The following SORCS2 variants were observed in gnomAD, a reference collection of about 807,000 sequenced individuals.
The protein encoded by SORCS2 is sortilin related VPS10 domain containing receptor 2, also known as VPS10 domain-containing receptor SorCS2.
SORCS2 carries 100 observed loss-of-function variants against 141.6 expected under a neutral mutation model. The ratio of observed to expected loss-of-function variants is 0.71; its 90% confidence interval spans 0.60 to 0.83. The LOEUF is 0.83. Among genes scored for constraint, SORCS2 ranks in the 40% least tolerant of loss-of-function variants. The pLI, the probability that SORCS2 is intolerant of heterozygous loss-of-function variation, is 0.00. For missense variants in SORCS2, 1,646 were observed against 1,560.2 expected, an observed-to-expected ratio of 1.05 and a Z score of -0.93; for synonymous variants, 789 against 676.9, an observed-to-expected ratio of 1.17 and a Z score of -2.57.
Position 7,689,536 on chromosome 4 carries a change from A to G in SORCS2, c.1539A>G (p.Val513=). ...LHLRWADNPY[V]SGTVHTKDTA... ...TGCGCTGGGCAGACAACCCCTACGTATCAGGCACCGTGCACACCAAGGACA... is the reference window on the plus strand; with the variant it reads ...TGCGCTGGGCAGACAACCCCTACGTGTCAGGCACCGTGCACACCAAGGACA... Residue 513 remains valine, a synonymous_variant, in exon 11 of 27, where the codon GTA becomes GTG. Transcript: ENST00000507866. The G allele has an allele frequency of 6.2e-7, 1 of 1,607,350 alleles. No homozygotes were observed. Among genetic ancestry groups the G allele is most frequent in the Non-Finnish European group, 8.5e-7 (1 of 1,177,540 alleles).
At chr4:7,209,144 G>A (rs975339385) in intron 1 of SORCS2, among the ~76,000 whole-genome samples, 1 of 152,228 alleles carries the variant, frequency 6.6e-6, no homozygotes, top group African/African-American at 2.4e-5. Context: ...TGTTGTAGAT[G>A]GGAGCACATC....
chr4:7,641,229 G>T (rs962464285), intron 4 of SORCS2, among the ~76,000 whole-genome samples: 1 of 152,204 alleles, frequency 6.6e-6, no homozygotes, highest in Non-Finnish European at 1.5e-5. Context: ...AATTTATGAA[G>T]AAAGAGGTTT....
chr4:7,592,222 A>G (rs1716967795), intron 3 of SORCS2, among the ~76,000 whole-genome samples: 1 of 151,636 alleles, frequency 6.6e-6, no homozygotes. Context: ...CCAACTACCC[A>G]CTTTCATCCA....
chr4:7,496,845 G>T (rs1008759194), intron 2 of SORCS2, among the ~76,000 whole-genome samples: 1 of 152,134 alleles, frequency 6.6e-6, no homozygotes, highest in Non-Finnish European at 1.5e-5. Context: ...AAGGCACAGG[G>T]CTCCGGGCAC....
At chr4:7,576,867 C>T (rs187104067) in intron 3 of SORCS2, among the ~76,000 whole-genome samples, 20 of 152,278 alleles carry the variant, frequency 1.3e-4, no homozygotes, top group African/African-American at 4.3e-4. Context: ...CCCCACCCAG[C>T]GGACCACAGC....
intron 2 of SORCS2, among the ~76,000 whole-genome samples, chr4:7,422,849 A>G (rs1251386179): frequency 2.0e-5 from 3 of 152,158 alleles, no homozygotes; most frequent in East Asian, 1.9e-4. Context: ...CTGCCTGCTA[A>G]TAACTGACCC....
chr4:7,372,991 A>G (rs559136792), intron 1 of SORCS2, among the ~76,000 whole-genome samples: 24 of 140,284 alleles, frequency 1.7e-4, no homozygotes, highest in African/African-American at 6.1e-4. Context: ...GCTGCAGGAC[A>G]TCTTGGTGGT....
Position 7,651,236 on chromosome 4 carries a change from C to A in SORCS2, c.814-2898C>A, listed in dbSNP as rs62290671. ...GCAAACGCGTGTTGTGGATAGGCTG[C>A]GTGTCAGACACGGGCTAGACTTCCA... On this transcript the variant is annotated intron_variant, in intron 4 of 26. Coordinates refer to ENST00000507866, the MANE Select transcript of SORCS2 (RefSeq NM_020777.3). Among the ~76,000 whole-genome samples the A allele has an allele frequency of 2.4e-3, 360 of 152,232 alleles. 1 individual carries two copies. The highest frequency in any genetic ancestry group is 8.3e-3 in the African/African-American group (345 of 41,522).
chr4:7,695,794 T>G (rs13148084), intron 11 of SORCS2, among the ~76,000 whole-genome samples: 3 of 1,744 alleles, frequency 1.7e-3, no homozygotes, highest in Non-Finnish European at 3.5e-3. Flanking sequence ...ATGGATGGAT[T>G]GGTGGGTGGG....
intron 1 of SORCS2, among the ~76,000 whole-genome samples, chr4:7,222,235 C>T (rs180750470): frequency 6.6e-6 from 1 of 152,294 alleles, no homozygotes; most frequent in Admixed American, 6.5e-5. Flanking sequence ...GGTGAGACAA[C>T]CCAAATGTCC....
intron 25 of SORCS2, among the ~76,000 whole-genome samples, chr4:7,736,553 C>T (rs1177815195): frequency 9.9e-5 from 15 of 152,132 alleles, no homozygotes. Flanking sequence ...GGTCCTGAGC[C>T]GGGTCCCAGT....
intron 1 of SORCS2, among the ~76,000 whole-genome samples, chr4:7,338,953 A>G (rs1223347188): frequency 1.3e-5 from 2 of 152,322 alleles, no homozygotes; most frequent in South Asian, 2.1e-4. Flanking sequence ...TGGTCTTTAC[A>G]GTAAACCCCA....
intron 2 of SORCS2, among the ~76,000 whole-genome samples, chr4:7,402,745 G>T (rs779814863): frequency 8.5e-5 from 13 of 152,150 alleles, no homozygotes; most frequent in Non-Finnish European, 1.8e-4. Context: ...GACTTTCCAT[G>T]TTTGCACTCA....
At chr4:7,242,082 C>T (rs140006115) in intron 1 of SORCS2, among the ~76,000 whole-genome samples, 1 of 152,300 alleles carries the variant, frequency 6.6e-6, no homozygotes, top group East Asian at 1.9e-4. Context: ...GACCCTCAGA[C>T]CCACCCTGGC....
intron 1 of SORCS2, among the ~76,000 whole-genome samples, chr4:7,244,630 G>C (rs1712954989): frequency 6.6e-6 from 1 of 152,178 alleles, no homozygotes; most frequent in African/African-American, 2.4e-5. Context: ...GGGCCCCCTG[G>C]AATCCCCCTG....
intron 3 of SORCS2, among the ~76,000 whole-genome samples, chr4:7,552,744 C>T (rs1008094603): frequency 8.5e-5 from 13 of 152,114 alleles, no homozygotes; most frequent in Non-Finnish European, 1.5e-4. Flanking sequence ...TTTTCCTCCC[C>T]ACCTTCCTGC....
At position 7,695,936 on chromosome 4, in the gene SORCS2, GTGGGTGGA is replaced by G. The variant is rs1256336819; in HGVS notation, c.1592-1258_1592-1251del. ...GATGGATGGATGGATTGGTGGGTGG[GTGGGTGGA>G]TGGATGGATGGATGGATGGATGGAT... On this transcript the variant is annotated intron_variant, in intron 11 of 26. Transcript: ENST00000507866. Among the ~76,000 whole-genome samples the G allele has an allele frequency of 1.3e-4, 10 of 76,256 alleles. 1 individual carries two copies. Among genetic ancestry groups the G allele is most frequent in the Admixed American group, 9.8e-4 (8 of 8,134 alleles). 50.0% of individuals were successfully genotyped at this position (76,256 alleles called of 152,430 possible).
chr4:7,246,974 G>C (rs1057010469), intron 1 of SORCS2, among the ~76,000 whole-genome samples: 2 of 152,298 alleles, frequency 1.3e-5, no homozygotes, highest in Admixed American at 1.3e-4. Context: ...TTATTCCCCA[G>C]CTAGAAGTGG....
At chr4:7,413,860 A>G (rs1461187550) in intron 2 of SORCS2, among the ~76,000 whole-genome samples, 3 of 152,074 alleles carry the variant, frequency 2.0e-5, no homozygotes, top group East Asian at 1.9e-4. Context: ...CCACGTCTCT[A>G]TGTTCTTAGG....
Sources: gnomAD v4.1 joint callset for allele counts (sites outside exome capture counted in the v4.1 genomes callset) on GRCh38, gnomAD v4.1.1 for gene constraint, MANE v1.5 for transcripts, NCBI Gene and HGNC (gene_info 2026-07-23, HGNC 2026-07-21) for gene names.